Variants in COL5A3 observed in about 807,000 individuals in gnomAD.
The protein encoded by COL5A3 is collagen alpha-3(V) chain.
Under a neutral mutation model 250.0 loss-of-function variants are expected in COL5A3, and 172 were observed. The ratio of observed to expected loss-of-function variants is 0.69; its 90% CI spans 0.61 to 0.78. The LOEUF (loss-of-function observed/expected upper bound fraction) is 0.78, where lower values mean the gene tolerates loss of function less well. Among genes scored for constraint, COL5A3 ranks in the 30% least tolerant of loss-of-function variants. The pLI is 0.00. For synonymous variants in COL5A3, 937 were observed against 900.4 expected, an observed-to-expected ratio of 1.04 and a Z score of -0.73; for missense variants, 2,340 against 2,334.4, an observed-to-expected ratio of 1.00 and a Z score of -0.05.
chr19:9,990,785 G>A (rs142764692), intron 24 of COL5A3, among the ~76,000 whole-genome samples: 6,690 of 152,052 alleles, frequency 0.044, 175 homozygotes, highest in Middle Eastern at 0.075. Context: ...GGATGGTCTC[G>A]ATCTCCTGAC....
chr19:9,960,867 C>G lies in COL5A3; in HGVS notation c.4875G>C (p.Gly1625=). 6.2e-7 allele frequency: 1 copy of G among 1,608,220 alleles called. No individual in the cohort carries two copies. The highest frequency in any genetic ancestry group is 8.5e-7 in the Non-Finnish European group (1 of 1,180,000). The change falls in exon 66 of 67, where the codon GGG becomes GGC. Residue 1625 remains glycine (G), a synonymous_variant. Coordinates refer to ENST00000264828, the MANE Select transcript of COL5A3 (RefSeq NM_015719.4). ...GKKFSYVDAD[G]SPVNVVQLNF... ...TCAGCTGCACGACATTCACTGGGGA[C>G]CCGTCGGCGTCCACGTAGGAGAACT...
intron 27 of COL5A3, among the ~76,000 whole-genome samples, chr19:9,988,850 A>AG (rs1253081497): frequency 0.026 from 3,420 of 130,858 alleles, 165 homozygotes; most frequent in East Asian, 0.14. Flanking sequence ...AAAAAAAAAA[A>AG]AAAAAAAAGA....
rs1460984839 is a variant in COL5A3 at position 9,968,213 on chromosome 19, C to A, written c.4315-134G>T. On this transcript the variant is annotated intron_variant, in intron 59 of 66. Transcript: ENST00000264828. This position sits in a 1 kb window ranked among gnomAD's most constrained non-coding sequence, Gnocchi z 4.1. ...AGCCTCCAGTTCCCCCACAGAGAGA[C>A]CCCAAACCCCAGACGCAGCCTCCAA... is the stretch of plus-strand genomic sequence containing the variant. 2.0e-6 allele frequency: 2 copies of A among 1,024,748 alleles called. No homozygotes were observed. Among genetic ancestry groups the A allele is most frequent in the South Asian group, 1.5e-5 (1 of 67,052 alleles). The allele number at this position is 1,024,748 out of a possible 1,614,324, so 63.5% of individuals were successfully genotyped here. A position where few individuals can be genotyped will look rare whatever the true frequency, so the allele number is the denominator to read the frequency against.
At position 9,980,834 on chromosome 19, in the gene COL5A3, G is replaced by A. The variant is rs369495078; in HGVS notation, c.2531C>T (p.Pro844Leu). 39 of 1,611,786 alleles carry A rather than the reference G, an allele frequency of 2.4e-5. No individual in the cohort carries two copies. The highest frequency in any genetic ancestry group is 1.7e-4 in the Middle Eastern group (1 of 6,024). ...GGGGCCTGGTTGCCCTGTGGCACCC[G>A]GTTGCCCCCTCTCTCCACGGGAACC... ...PPGSRGERGQ[P>L]GATGQPGPKG... Residue 844 changes from proline (P) to leucine (L), a missense_variant, in exon 34 of 67, where the codon CCG (proline) becomes CTG (leucine). Coordinates refer to ENST00000264828, the MANE Select transcript of COL5A3 (RefSeq NM_015719.4).
intron 50 of COL5A3, among the ~76,000 whole-genome samples, 168 bp downstream of exon 50, chr19:9,973,402 C>G (rs1407318237): frequency 6.6e-6 from 1 of 152,188 alleles, no homozygotes; most frequent in Non-Finnish European, 1.5e-5. Flanking sequence ...TACATAGCAG[C>G]CCTATCTGAG....
At chr19:9,972,521 G>A (rs1350559072) in intron 51 of COL5A3, among the ~76,000 whole-genome samples, 1 of 152,104 alleles carries the variant, frequency 6.6e-6, no homozygotes, top group South Asian at 2.1e-4. Flanking sequence ...TAAATTAGAG[G>A]ATGCAATCCC....
chr19:9,970,343 T>A lies in COL5A3; in HGVS notation c.3936+279A>T, dbSNP rs1425804402. Reference sequence around the variant, plus strand: ...TGGGTGAGTGGGGTCTGTGGGTGAGTGTGTTCTGTGGCTGAGTGGGGTCTG... The same window carrying A: ...TGGGTGAGTGGGGTCTGTGGGTGAGAGTGTTCTGTGGCTGAGTGGGGTCTG... On this transcript the variant is annotated intron_variant, in intron 54 of 66. Coordinates refer to ENST00000264828, the MANE Select transcript of COL5A3 (RefSeq NM_015719.4). 3.1e-4 allele frequency among the ~76,000 whole-genome samples: 11 copies of A among 35,348 alleles called. No individual in the cohort carries two copies. In the East Asian group the frequency reaches 0.011, roughly 36 times the overall value. 23.2% of individuals were successfully genotyped at this position (35,348 alleles called of 152,430 possible).
At chr19:10,007,177 C>A (rs1302653152) in intron 1 of COL5A3, among the ~76,000 whole-genome samples, 1 of 150,868 alleles carries the variant, frequency 6.6e-6, no homozygotes, top group Non-Finnish European at 1.5e-5. Flanking sequence ...CTCTGACCTC[C>A]TCCCTCTGAC....
rs1266348678 is a variant in COL5A3, at chr19:10,009,433, TG to T, written c.88+864del. Among the ~76,000 whole-genome samples the T allele has an allele frequency of 2.8e-5, 4 of 143,482 alleles. No homozygotes were observed. The highest frequency in any genetic ancestry group is 1.4e-4 in the Admixed American group (2 of 14,572). The allele number at this position is 143,482 out of a possible 152,430, so 94.1% of individuals were successfully genotyped here. A position where few individuals can be genotyped will look rare whatever the true frequency, so the allele number is the denominator to read the frequency against. ...CCATCCGGCGGCCCCCGGGACCCCT[TG>T]GGGGCTCCTGAGAAATTCCTCGGGA... On this transcript the variant is annotated intron_variant, in intron 1 of 66. Coordinates refer to ENST00000264828, the MANE Select transcript of COL5A3 (RefSeq NM_015719.4). The surrounding 1 kb of genome is among the most constrained non-coding windows in gnomAD (Gnocchi z 4.4).
chr19:9,960,399 C>T lies in COL5A3; in HGVS notation c.*12G>A, dbSNP rs758738260. ...TGGGGCTCCCTCATGGTCCCTCCCA[C>T]CCCGGACACTCTCAGCTGCTGAAGC... On this transcript the variant is annotated 3_prime_UTR_variant, in exon 67 of 67. Coordinates refer to ENST00000264828, the MANE Select transcript of COL5A3 (RefSeq NM_015719.4). 3 of 1,613,932 alleles carry T rather than the reference C, an allele frequency of 1.9e-6. No homozygotes were observed. The African/African-American group carries it at 4.0e-5, about 22-fold the overall frequency.
intron 31 of COL5A3, among the ~76,000 whole-genome samples, chr19:9,983,600 G>GAAAGAAAGAAAGAAAGAGAA (rs1278817642): frequency 5.2e-5 from 4 of 77,042 alleles, no homozygotes; most frequent in African/African-American, 1.2e-4. Flanking sequence ...AAGAAAGAAA[G>GAAAGAAAGAAAGAAAGAGAA]AGAAAGAGAG....
Position 9,986,587 on chromosome 19 carries a change from C to T in COL5A3, c.2210G>A (p.Gly737Asp). ...TTTGAGCCCCACATCGCCCTTGAAG[C>T]CTGGGAAGCCGTCCTCTCCCTGGGT... ...KGEKGEDGFP[G>D]FKGDVGLKGD... Residue 737 changes from glycine (G) to aspartate (D), a missense_variant, in exon 29 of 67, where the codon GGC becomes GAC. By Grantham distance (94) the Gly-to-Asp change is moderately conservative. Around this residue, in one of 3 missense-constraint regions of COL5A3, gnomAD observed 1,152 missense variants for 1,146.3 expected, o/e 1.00. Coordinates refer to ENST00000264828, the MANE Select transcript of COL5A3 (RefSeq NM_015719.4). 6.2e-7 allele frequency: 1 copy of T among 1,613,966 alleles called. No individual in the cohort carries two copies. The highest frequency in any genetic ancestry group is 8.5e-7 in the Non-Finnish European group (1 of 1,179,992).
Position 9,969,606 on chromosome 19 carries a change from G to A in COL5A3, c.4067C>T (p.Pro1356Leu). 1.9e-6 allele frequency: 3 copies of A among 1,606,574 alleles called. No individual in the cohort carries two copies. The highest frequency in any genetic ancestry group is 2.5e-6 in the Non-Finnish European group (3 of 1,177,944). ...GARGPPGRVG[P>L]EGLRGIPGPV... ...GCCAGGGATCCCTCGAAGACCCTCAGGCCCCACACGTCCAGGGGGCCCTCT... is the reference window on the plus strand; with the variant it reads ...GCCAGGGATCCCTCGAAGACCCTCAAGCCCCACACGTCCAGGGGGCCCTCT... The change falls in exon 56 of 67, where the codon CCT (proline) becomes CTT (leucine). Residue 1356 changes from proline (P) to leucine (L), a missense_variant. Coordinates refer to ENST00000264828, the MANE Select transcript of COL5A3 (RefSeq NM_015719.4).
intron 31 of COL5A3, among the ~76,000 whole-genome samples, chr19:9,985,063 C>G (rs541724374): frequency 6.7e-6 from 1 of 148,600 alleles, no homozygotes; most frequent in African/African-American, 2.5e-5. Context: ...ATTCTCCTGT[C>G]TCAGCCTCTT....
intron 45 of COL5A3, 61 bp from the exon 46 acceptor site, chr19:9,974,469 G>A (rs2145079354): frequency 1.5e-6 from 2 of 1,298,336 alleles, no homozygotes; most frequent in Non-Finnish European, 2.1e-6. Flanking sequence ...GCAGAGTGAG[G>A]CTCAAGGGTC....
At chr19:10,006,949 T>C (rs1049948007) in intron 1 of COL5A3, among the ~76,000 whole-genome samples, 1 of 150,810 alleles carries the variant, frequency 6.6e-6, no homozygotes, top group African/African-American at 2.5e-5. Context: ...CCTCTGACCC[T>C]CCTCTATGAA....
At position 9,996,619 on chromosome 19, in the gene COL5A3, A is replaced by G. The variant is rs2087277588; in HGVS notation, c.1334T>C (p.Met445Thr). ...IRGPPGTVIM[M>T]PFQFAGGSFK... ...GCCACTCCATCTCCTTCTTACCGGC[A>G]TCATGATCACAGTGCCCGGTGGGCC... The change falls in exon 12 of 67, where the codon ATG becomes ACG. Residue 445 changes from methionine to threonine, a missense_variant. Met to Thr is a moderately conservative substitution (Grantham distance 81, BLOSUM62 -1). This residue lies in a region of COL5A3 where 1,152 missense variants were observed against 1,146.3 expected (regional missense o/e 1.00). Transcript: ENST00000264828. The G allele has an allele frequency of 6.2e-7, 1 of 1,613,924 alleles. No homozygotes were observed. The highest frequency in any genetic ancestry group is 2.2e-5 in the East Asian group (1 of 44,868).
At chr19:9,961,953 A>G (rs2086679988) in intron 65 of COL5A3, among the ~76,000 whole-genome samples, 1 of 152,166 alleles carries the variant, frequency 6.6e-6, no homozygotes, top group South Asian at 2.1e-4. Context: ...GTCTGAATCT[A>G]CTTTTTGAAC....
rs2087306863 is a variant in COL5A3, at chr19:9,998,595, A to G, written c.1111-446T>C. ...TCCAGGTAACAAGGTAGCAAGGGCA[A>G]GTTAGTTACAACTATGTGTCTATGC... is the stretch of plus-strand genomic sequence containing the variant. On this transcript the variant is annotated intron_variant, in intron 8 of 66. Coordinates refer to ENST00000264828, the MANE Select transcript of COL5A3 (RefSeq NM_015719.4). Among the ~76,000 whole-genome samples, 2 of 152,214 alleles carry G rather than the reference A, an allele frequency of 1.3e-5. 1 individual carries two copies. The highest frequency in any genetic ancestry group is 4.1e-4 in the South Asian group (2 of 4,830).
Sources: gnomAD v4.1 joint callset for allele counts (sites outside exome capture counted in the v4.1 genomes callset) on GRCh38, gnomAD v4.1.1 for gene constraint, gnomAD v4.1.1 regional missense constraint, Gnocchi (gnomAD v3.1) non-coding constraint, MANE v1.5 for transcripts, NCBI Gene and HGNC (gene_info 2026-07-23, HGNC 2026-07-21) for gene names.